CAPN3: variants seen among roughly 807,000 people sequenced by gnomAD.
CAPN3 encodes the protein calpain-3.
In CAPN3, 88 loss-of-function variants were observed where a neutral mutation model predicts 114.0. The observed-to-expected ratio is 0.77, with a 90% CI of 0.65 to 0.92. CAPN3 has a LOEUF of 0.92. CAPN3 is among the 40% of genes least tolerant of loss of function. The pLI, the probability that CAPN3 is intolerant of heterozygous loss-of-function variation, is 0.00. For missense variants in CAPN3, 1,028 were observed against 1,069.0 expected, an observed-to-expected ratio of 0.96 and a Z score of 0.53; for synonymous variants, 386 against 382.9, an observed-to-expected ratio of 1.01 and a Z score of -0.09.
At chr15:42,411,701 G>C (rs28364547) in intron 23 of CAPN3, 46 bp from the exon 24 acceptor site, 1 of 788,534 alleles carries the variant, frequency 1.3e-6, no homozygotes. Context: ...GGGGGGGGGG[G>C]GTCACTCTTT....
intron 9 of CAPN3, among the ~76,000 whole-genome samples, chr15:42,398,941 T>C (rs12102204): frequency 0.069 from 10,431 of 151,836 alleles, 1,136 homozygotes; most frequent in African/African-American, 0.23. Context: ...CCCGCCATAA[T>C]GCTCAGCTAA....
At chr15:42,370,798 G>C (rs1291128132) in intron 1 of CAPN3, among the ~76,000 whole-genome samples, 3 of 152,212 alleles carry the variant, frequency 2.0e-5, no homozygotes, top group Non-Finnish European at 4.4e-5. Context: ...CAGCGTCCTA[G>C]TAGGTGTGCA....
chr15:42,366,697 G>A (rs112673038), intron 1 of CAPN3, among the ~76,000 whole-genome samples: 1 of 152,082 alleles, frequency 6.6e-6, no homozygotes, highest in African/African-American at 2.4e-5. Flanking sequence ...ACACCTGCCC[G>A]TTTACTTACA....
At chr15:42,408,139 AG>A (rs2141216130) in intron 15 of CAPN3, 71 bp from the exon 16 acceptor site, 4 of 965,850 alleles carry the variant, frequency 4.1e-6, no homozygotes, top group Non-Finnish European at 6.7e-6. Flanking sequence ...GCTCCAAGAG[AG>A]GTGCTGCCTC....
intron 15 of CAPN3, 51 bp from the exon 16 acceptor site, chr15:42,408,160 G>A (rs764875191): frequency 1.6e-6 from 2 of 1,257,526 alleles, no homozygotes; most frequent in Non-Finnish European, 2.3e-6. Flanking sequence ...CAGTGTGCCT[G>A]TTCAGACTGT....
intron 1 of CAPN3, among the ~76,000 whole-genome samples, chr15:42,361,500 G>T (rs1341577909): frequency 6.6e-6 from 1 of 152,050 alleles, no homozygotes; most frequent in East Asian, 1.9e-4. Context: ...CAACAAACCT[G>T]AGGTGGAGTA....
In CAPN3 at chr15:42,403,072, T is replaced by A. The variant is rs2053920434; in HGVS notation, c.1745+70T>A. ...TGGCCCACTCCAGAGGTTGAAGGCA[T>A]GAGGCAGCTAGACACGTCTCCTCCA... On this transcript the variant is annotated intron_variant, in intron 13 of 23. Coordinates refer to ENST00000397163, the MANE Select transcript of CAPN3 (RefSeq NM_000070.3). 29 of 1,325,582 alleles carry A rather than the reference T, an allele frequency of 2.2e-5. No individual in the cohort carries two copies. In the South Asian group the frequency reaches 3.1e-4, roughly 14 times the overall value. The allele number at this position is 1,325,582 out of a possible 1,614,324, so 82.1% of individuals were successfully genotyped here.
chr15:42,388,694 C>T (rs1048292145), intron 4 of CAPN3, among the ~76,000 whole-genome samples: 4 of 151,974 alleles, frequency 2.6e-5, no homozygotes, highest in Admixed American at 1.3e-4. Flanking sequence ...GGGTTTCAAT[C>T]CCAGTGCTTC....
intron 1 of CAPN3, among the ~76,000 whole-genome samples, chr15:42,361,332 C>T (rs1415167072): frequency 6.6e-6 from 1 of 152,080 alleles, no homozygotes; most frequent in Non-Finnish European, 1.5e-5. Flanking sequence ...ATTATCCAGG[C>T]ATGGTGGCAC....
At chr15:42,382,106 A>G (rs1313612617) in intron 1 of CAPN3, among the ~76,000 whole-genome samples, 3 of 152,104 alleles carry the variant, frequency 2.0e-5, no homozygotes, top group South Asian at 2.1e-4. Flanking sequence ...TACTGCTCCA[A>G]TTTCTTCTGG....
chr15:42,389,117 A>T (rs1370149335), intron 5 of CAPN3, 21 bp downstream of exon 5: 4 of 1,612,958 alleles, frequency 2.5e-6, no homozygotes, highest in Non-Finnish European at 2.5e-6. Flanking sequence ...GGTGTGGGGC[A>T]CAGGGTGGGG....
At chr15:42,386,339 G>T in intron 3 of CAPN3, 54 bp downstream of exon 3, 1 of 1,262,386 alleles carries the variant, frequency 7.9e-7, no homozygotes, top group Non-Finnish European at 1.2e-6. Context: ...CCCACCGCTG[G>T]TCTCCTGGCC....
chr15:42,392,617 T>A (rs1204327406), intron 6 of CAPN3, 22 bp from the exon 7 acceptor site: 1 of 1,599,546 alleles, frequency 6.3e-7, no homozygotes, highest in Admixed American at 1.7e-5. Context: ...CCCTAATGGG[T>A]TCTCTGGTTA....
chr15:42,359,526 T>C lies in CAPN3; in HGVS notation c.-280T>C, dbSNP rs1365325912. 2.3e-6 allele frequency: 3 copies of C among 1,304,528 alleles called. No homozygotes were observed. In the African/African-American group the frequency reaches 4.5e-5, roughly 19 times the overall value. 80.8% of individuals were successfully genotyped at this position (1,304,528 alleles called of 1,614,324 possible). ...ACTCTCTTTCTCTCTCCCTCTGGCA[T>C]GCATGCTGCTGGTAGGAGACCCCCA... On this transcript the variant is annotated 5_prime_UTR_variant, in exon 1 of 24. It removes an upstream start codon present in the reference 5' UTR. Transcript: ENST00000397163.
intron 3 of CAPN3, among the ~76,000 whole-genome samples, chr15:42,386,527 C>T (rs2053412289): frequency 6.6e-6 from 1 of 152,178 alleles, no homozygotes; most frequent in South Asian, 2.1e-4. Context: ...ATCCTGTTTA[C>T]TGTGGGTCTA....
At chr15:42,404,041 G>A (rs181163525) in intron 14 of CAPN3, 8 of 540,146 alleles carry the variant, frequency 1.5e-5, no homozygotes, top group Admixed American at 6.8e-5. Flanking sequence ...TTGAACAATC[G>A]GAGGGAACAA....
Position 42,399,591 on chromosome 15 carries a change from G to A in CAPN3, c.1293G>A (p.Val431=), listed in dbSNP as rs1009544440. 3.7e-6 allele frequency: 6 copies of A among 1,614,052 alleles called. No individual in the cohort carries two copies. The African/African-American group carries it at 4.0e-5, about 11-fold the overall frequency. The change falls in exon 10 of 24, where the codon GTG becomes GTA. Residue 431 remains valine (V), a synonymous_variant. Transcript: ENST00000397163. The part of the protein sequence containing the change: ...LQSDKLQTWT[V]SVNEGRWVRG... ...CTGACAAGCTTCAGACCTGGACAGTGTCTGTGAACGAGGGCCGCTGGGTAC... is the reference window on the plus strand; with the variant it reads ...CTGACAAGCTTCAGACCTGGACAGTATCTGTGAACGAGGGCCGCTGGGTAC...
chr15:42,405,372 A>G (rs913253894), intron 14 of CAPN3, among the ~76,000 whole-genome samples: 7 of 152,100 alleles, frequency 4.6e-5, no homozygotes, highest in Non-Finnish European at 8.8e-5. Flanking sequence ...GTGCAATGGC[A>G]TGATCTCAGC....
rs1312106341 is a variant in CAPN3 at position 42,408,194 on chromosome 15, C to T, written c.1801-17C>T. On this transcript the variant is annotated splice_polypyrimidine_tract_variant and intron_variant, in intron 15 of 23. Transcript: ENST00000397163. The stretch of plus-strand genomic sequence containing the variant: ...GTAATCCTCCCTTCCTTCCTGCCTC[C>T]TCCCTCCTCTCTCCAGCCCATCATC... The T allele has an allele frequency of 2.2e-5, 35 of 1,570,556 alleles. No homozygotes were observed. The highest frequency in any genetic ancestry group is 2.8e-5 in the Non-Finnish European group (32 of 1,141,848).
Sources: gnomAD v4.1 joint callset for allele counts (sites outside exome capture counted in the v4.1 genomes callset) on GRCh38, gnomAD v4.1.1 for gene constraint, MANE v1.5 for transcripts, NCBI Gene and HGNC (gene_info 2026-07-23, HGNC 2026-07-21) for gene names.